Variants in PTPRZ1 observed in about 807,000 individuals in gnomAD.
PTPRZ1 encodes receptor-type tyrosine-protein phosphatase zeta.
In PTPRZ1, 82 loss-of-function variants were observed where a neutral mutation model predicts 214.1. The ratio of observed to expected loss-of-function variants is 0.38; its 90% CI spans 0.32 to 0.46. The LOEUF (loss-of-function observed/expected upper bound fraction) is 0.46, where lower values mean the gene tolerates loss of function less well. PTPRZ1 is among the 20% of genes least tolerant of loss of function. The pLI is 1.00. For synonymous variants in PTPRZ1, 945 were observed against 987.9 expected (o/e 0.96, Z 0.81); for missense variants, 2,603 against 2,748.7 (o/e 0.95, Z 1.19).
At chr7:121,910,212 C>T (rs1482642281) in intron 1 of PTPRZ1, among the ~76,000 whole-genome samples, 2 of 152,156 alleles carry the variant, frequency 1.3e-5, no homozygotes, top group Non-Finnish European at 2.9e-5. Context: ...CAGACTTCTT[C>T]GCTGATCTCT....
At chr7:121,985,778 C>T (rs899175502) in intron 8 of PTPRZ1, among the ~76,000 whole-genome samples, 1 of 152,190 alleles carries the variant, frequency 6.6e-6, no homozygotes, top group Non-Finnish European at 1.5e-5. Context: ...AATGGTGCTC[C>T]TCTGGAGGTT....
intron 8 of PTPRZ1, among the ~76,000 whole-genome samples, chr7:121,988,739 C>A (rs1033426346): frequency 2.6e-5 from 4 of 152,146 alleles, no homozygotes; most frequent in Non-Finnish European, 5.9e-5. Context: ...CATGTCTAAG[C>A]CTCTGGGGTT....
chr7:121,956,994 TA>T (rs1474302575), intron 2 of PTPRZ1, among the ~76,000 whole-genome samples: 2 of 152,222 alleles, frequency 1.3e-5, no homozygotes, highest in African/African-American at 4.8e-5. Context: ...TGCATTTTTA[TA>T]AAACTTGATA....
intron 1 of PTPRZ1, among the ~76,000 whole-genome samples, chr7:121,880,038 C>G (rs1029149628): frequency 2.0e-5 from 3 of 152,146 alleles, no homozygotes; most frequent in Non-Finnish European, 4.4e-5. Context: ...AATATTTTTA[C>G]TGTGTTAATA....
chr7:122,052,445 G>A (rs1436747273), intron 25 of PTPRZ1, among the ~76,000 whole-genome samples: 1 of 152,166 alleles, frequency 6.6e-6, no homozygotes, highest in East Asian at 1.9e-4. Flanking sequence ...AGTAGCTGTT[G>A]TGTGACCTTC....
At chr7:122,032,470 C>T (rs1799409590) in intron 15 of PTPRZ1, among the ~76,000 whole-genome samples, 3 of 152,136 alleles carry the variant, frequency 2.0e-5, no homozygotes, top group African/African-American at 7.2e-5. Flanking sequence ...CTTCAGCCTC[C>T]CCGCTGGCCA....
Position 121,983,812 on chromosome 7 carries a change from C to A in PTPRZ1, c.767C>A (p.Ser256Tyr). The A allele has an allele frequency of 6.2e-7, 1 of 1,610,758 alleles. No individual in the cohort carries two copies. Among genetic ancestry groups the A allele is most frequent in the Non-Finnish European group, 8.5e-7 (1 of 1,179,122 alleles). The change falls in exon 7 of 30, where the codon TCT (serine) becomes TAT (tyrosine). Residue 256 changes from serine to tyrosine, a missense_variant. This residue lies in a region of PTPRZ1 where 244 missense variants were observed against 333.2 expected (regional missense o/e 0.73). Transcript: ENST00000393386. ...WIVFKDTVSI[S>Y]ESQLAVFCEV... is the part of the protein sequence containing the mutation. ...GTTTTTAAAGATACAGTTAGCATCT[C>A]TGAAAGCCAGGTAATCTTAGAAATT...
intron 4 of PTPRZ1, among the ~76,000 whole-genome samples, chr7:121,975,196 A>T (rs1397722621): frequency 6.6e-6 from 1 of 152,176 alleles, no homozygotes; most frequent in East Asian, 1.9e-4. Flanking sequence ...CAAAACAAAC[A>T]AACAAAAGCC....
chr7:121,987,945 C>T (rs764704940), intron 8 of PTPRZ1, among the ~76,000 whole-genome samples: 3 of 152,136 alleles, frequency 2.0e-5, no homozygotes, highest in Non-Finnish European at 4.4e-5. Flanking sequence ...CTCATGTTCT[C>T]ACTTATAAGT....
chr7:122,053,817 A>G lies in PTPRZ1; in HGVS notation c.6253-93A>G, dbSNP rs1458357421. ...GACACAATCTGCAATTCAAAAGACT[A>G]TTTTGACTTAAGGTCCATTGATGTA... On this transcript the variant is annotated intron_variant, in intron 25 of 29. Coordinates refer to ENST00000393386, the MANE Select transcript of PTPRZ1 (RefSeq NM_002851.3). The G allele has an allele frequency of 2.6e-5, 37 of 1,436,058 alleles. No individual in the cohort carries two copies. In the East Asian group the frequency reaches 8.1e-4, roughly 31 times the overall value. 89.0% of individuals were successfully genotyped at this position (1,436,058 alleles called of 1,614,324 possible).
At chr7:122,056,621 G>T (rs983710229) in intron 27 of PTPRZ1, among the ~76,000 whole-genome samples, 3 of 151,696 alleles carry the variant, frequency 2.0e-5, no homozygotes, top group African/African-American at 4.8e-5. Context: ...CTATTTTTAA[G>T]AATTTATTAA....
intron 6 of PTPRZ1, 94 bp downstream of exon 6, chr7:121,976,945 G>A (rs1408663476): frequency 7.2e-6 from 7 of 971,112 alleles, no homozygotes; most frequent in Non-Finnish European, 1.1e-5. Flanking sequence ...TCCAAAAGGT[G>A]GAAAGTACTA....
intron 14 of PTPRZ1, among the ~76,000 whole-genome samples, chr7:122,029,659 T>G (rs1799316822): frequency 6.6e-6 from 1 of 151,946 alleles, no homozygotes; most frequent in Admixed American, 6.6e-5. Flanking sequence ...GGATGTTATC[T>G]TCTGAAATCT....
At chr7:121,973,111 C>T (rs1797308934) in intron 4 of PTPRZ1, among the ~76,000 whole-genome samples, 1 of 152,030 alleles carries the variant, frequency 6.6e-6, no homozygotes, top group African/African-American at 2.4e-5. Context: ...AATTGGTAGA[C>T]TTTCTGGGAA....
intron 2 of PTPRZ1, among the ~76,000 whole-genome samples, chr7:121,940,261 C>T (rs778204387): frequency 2.0e-5 from 3 of 151,828 alleles, no homozygotes; most frequent in African/African-American, 4.8e-5. Context: ...AGTTAGGAAA[C>T]GAAAGGAAAA....
chr7:121,960,985 A>T (rs965809056), intron 2 of PTPRZ1, among the ~76,000 whole-genome samples: 1 of 152,144 alleles, frequency 6.6e-6, no homozygotes, highest in African/African-American at 2.4e-5. Flanking sequence ...TTAATTCTTA[A>T]GTGCCAGGCT....
chr7:122,028,684 T>C, intron 14 of PTPRZ1, 41 bp downstream of exon 14: 1 of 1,421,360 alleles, frequency 7.0e-7, no homozygotes, highest in Non-Finnish European at 9.9e-7. Context: ...TGGTAGATGT[T>C]GAACAAAAAG....
At chr7:121,925,632 G>A (rs1795733870) in intron 1 of PTPRZ1, among the ~76,000 whole-genome samples, 1 of 152,200 alleles carries the variant, frequency 6.6e-6, no homozygotes, top group South Asian at 2.1e-4. Flanking sequence ...AACTGGGTCA[G>A]GTTTTTAAGT....
intron 2 of PTPRZ1, among the ~76,000 whole-genome samples, chr7:121,956,266 C>T (rs538214219): frequency 1.3e-5 from 2 of 152,156 alleles, no homozygotes; most frequent in South Asian, 4.2e-4. Flanking sequence ...TTTTCTAAGC[C>T]AAACTGTATC....
Sources: allele counts gnomAD v4.1 joint callset (sites outside exome capture counted in the v4.1 genomes callset), GRCh38; gene constraint gnomAD v4.1.1; regional missense constraint gnomAD v4.1.1; transcripts MANE v1.5; gene names NCBI Gene and HGNC (gene_info 2026-07-23, HGNC 2026-07-21).